NAV2: variants seen among roughly 807,000 people sequenced by gnomAD.
NAV2 encodes helicase, APC down-regulated 1.
Under a neutral mutation model 223.2 loss-of-function variants are expected in NAV2, and 54 were observed. That is an observed-to-expected ratio of 0.24 (90% CI 0.19 to 0.30). The LOEUF is 0.30. Among genes scored for constraint, NAV2 ranks in the 10% least tolerant of loss-of-function variants. The pLI is 1.00. For missense variants in NAV2, 2,806 were observed against 3,147.5 expected (o/e 0.89, Z 2.60); for synonymous variants, 1,279 against 1,239.3 (o/e 1.03, Z -0.67).
chr11:19,543,804 A>G (rs1406855153), intron 1 of NAV2, among the ~76,000 whole-genome samples: 5 of 152,046 alleles, frequency 3.3e-5, no homozygotes, highest in Non-Finnish European at 7.4e-5. Context: ...TGACCTCTCA[A>G]CTGCATCAAA....
At chr11:19,569,436 A>T (rs1046382889) in intron 1 of NAV2, among the ~76,000 whole-genome samples, 3 of 152,184 alleles carry the variant, frequency 2.0e-5, no homozygotes, top group African/African-American at 7.2e-5. Flanking sequence ...CCAATATCTA[A>T]AAGAGTGTCT....
chr11:19,745,552 T>G (rs7937492), intron 1 of NAV2, among the ~76,000 whole-genome samples: 148,665 of 152,038 alleles, frequency 0.98, 72,770 homozygotes, highest in East Asian at 1. Context: ...AATACAATCT[T>G]TCTTGGGGGT....
At chr11:19,451,933 G>T (rs1851802414) in intron 1 of NAV2, among the ~76,000 whole-genome samples, 1 of 152,220 alleles carries the variant, frequency 6.6e-6, no homozygotes, top group South Asian at 2.1e-4. Context: ...CAGACCAAAG[G>T]TGGGTGTCTT....
chr11:19,637,656 T>C (rs1013093965), intron 1 of NAV2, among the ~76,000 whole-genome samples: 1 of 152,214 alleles, frequency 6.6e-6, no homozygotes, highest in Non-Finnish European at 1.5e-5. Context: ...AGGCATCTCA[T>C]GTGGCAAGAA....
intron 1 of NAV2, among the ~76,000 whole-genome samples, chr11:19,664,555 C>T (rs1158752514): frequency 6.6e-6 from 1 of 152,202 alleles, no homozygotes; most frequent in Non-Finnish European, 1.5e-5. Context: ...ACAGGATTGA[C>T]TACAGACATG....
At chr11:19,585,832 T>C (rs2045878947) in intron 1 of NAV2, among the ~76,000 whole-genome samples, 1 of 152,216 alleles carries the variant, frequency 6.6e-6, no homozygotes, top group Non-Finnish European at 1.5e-5. Flanking sequence ...TCATTTCAAC[T>C]TTGGTGAACC....
chr11:19,476,591 T>C (rs1461036688), intron 1 of NAV2, among the ~76,000 whole-genome samples: 1 of 152,084 alleles, frequency 6.6e-6, no homozygotes, highest in Non-Finnish European at 1.5e-5. Context: ...AACTATGTTC[T>C]GAGTAACATT....
At chr11:19,798,556 C>T (rs1027705394) in intron 1 of NAV2, among the ~76,000 whole-genome samples, 4 of 152,128 alleles carry the variant, frequency 2.6e-5, no homozygotes, top group Admixed American at 6.5e-5. Context: ...AGGCTGGCCA[C>T]GGGGAGCCCT....
chr11:19,518,549 CAGTT>C (rs1404671804), intron 1 of NAV2: 2 of 152,234 alleles, frequency 1.3e-5, no homozygotes, highest in Non-Finnish European at 2.9e-5. Context: ...TAGACATCCT[CAGTT>C]AGAACAAAGT....
At chr11:20,005,682 G>A (rs1373772744) in intron 11 of NAV2, among the ~76,000 whole-genome samples, 1 of 152,134 alleles carries the variant, frequency 6.6e-6, no homozygotes, top group Non-Finnish European at 1.5e-5. Context: ...GCCAGGCAGT[G>A]AGCTGAATGC....
intron 3 of NAV2, among the ~76,000 whole-genome samples, chr11:19,848,816 G>T (rs1338534781): frequency 1.3e-5 from 2 of 152,180 alleles, no homozygotes; most frequent in African/African-American, 4.8e-5. Context: ...GTTTAGTGGG[G>T]TTTGAATTCA....
chr11:19,771,984 G>A (rs1201989654), intron 1 of NAV2, among the ~76,000 whole-genome samples: 2 of 152,124 alleles, frequency 1.3e-5, no homozygotes, highest in Non-Finnish European at 2.9e-5. Context: ...GAGGGGAGAC[G>A]GCACCTCTTG....
chr11:20,056,200 C>T (rs1280459744), intron 19 of NAV2, among the ~76,000 whole-genome samples: 3 of 152,198 alleles, frequency 2.0e-5, no homozygotes, highest in African/African-American at 7.2e-5. Flanking sequence ...CACTGGTGAA[C>T]CATAGAGCTG....
At chr11:19,397,771 T>A (rs749640117) in intron 1 of NAV2, among the ~76,000 whole-genome samples, 11 of 152,046 alleles carry the variant, frequency 7.2e-5, no homozygotes, top group Non-Finnish European at 1.0e-4. Context: ...CATGGCTGGG[T>A]GAGGTACGTC....
chr11:20,103,837 A>T, intron 34 of NAV2, 113 bp downstream of exon 34: 1 of 953,518 alleles, frequency 1.0e-6, no homozygotes, highest in Non-Finnish European at 1.7e-6. Context: ...AGGTATTGTT[A>T]AGCATTTTTC....
At chr11:19,722,518 G>A (rs1590178329) in intron 1 of NAV2, among the ~76,000 whole-genome samples, 1 of 152,212 alleles carries the variant, frequency 6.6e-6, no homozygotes, top group East Asian at 1.9e-4. Flanking sequence ...TATCTTCTAT[G>A]TGTTCCATAG....
At chr11:19,821,003 C>T (rs1429399186) in intron 1 of NAV2, among the ~76,000 whole-genome samples, 4 of 152,230 alleles carry the variant, frequency 2.6e-5, no homozygotes, top group African/African-American at 7.2e-5. Context: ...TGGCTCACGC[C>T]TGTAATCCCA....
chr11:19,559,220 G>A (rs1053117680), intron 1 of NAV2, among the ~76,000 whole-genome samples: 10 of 152,326 alleles, frequency 6.6e-5, no homozygotes, highest in Non-Finnish European at 1.5e-4. Flanking sequence ...TCACAGCTGA[G>A]GAGACTGAGG....
chr11:19,411,107 A>T (rs971841427), intron 1 of NAV2, among the ~76,000 whole-genome samples: 3 of 151,952 alleles, frequency 2.0e-5, no homozygotes, highest in African/African-American at 7.3e-5. Flanking sequence ...CCTTTTTTAA[A>T]CCCAGGTTGC....
Sources: allele counts gnomAD v4.1 joint callset (sites outside exome capture counted in the v4.1 genomes callset), GRCh38; gene constraint gnomAD v4.1.1; transcripts MANE v1.5; gene names NCBI Gene and HGNC (gene_info 2026-07-23, HGNC 2026-07-21).